The following ARMC7 variants were observed in gnomAD, a reference collection of about 807,000 sequenced individuals.
ARMC7 encodes armadillo repeat-containing protein 7.
ARMC7 carries 9 observed loss-of-function variants against 14.8 expected under a neutral mutation model. That is an observed-to-expected ratio of 0.61 (90% CI 0.37 to 1.06). The LOEUF is 1.06. ARMC7 is among the 50% of genes least tolerant of loss of function. The pLI, the probability that ARMC7 is intolerant of heterozygous loss-of-function variation, is 0.01. For synonymous variants in ARMC7, 125 were observed against 123.4 expected, an observed-to-expected ratio of 1.01 and a Z score of -0.09; for missense variants, 262 against 267.1, an observed-to-expected ratio of 0.98 and a Z score of 0.13.
chr17:75,125,435 T>G (rs1369475951), intron 2 of ARMC7, among the ~76,000 whole-genome samples: 2 of 152,024 alleles, frequency 1.3e-5, no homozygotes, highest in East Asian at 3.9e-4. Context: ...TGGACTGAGG[T>G]TGGAGACTGC....
intron 2 of ARMC7, chr17:75,114,121 T>G (rs2073954303): frequency 2.5e-6 from 1 of 401,282 alleles, no homozygotes; most frequent in African/African-American, 2.0e-5. Context: ...AAAGTTGGTC[T>G]CTAAAACGTC....
intron 2 of ARMC7, among the ~76,000 whole-genome samples, chr17:75,112,445 C>G (rs930651284): frequency 6.6e-6 from 1 of 152,140 alleles, no homozygotes; most frequent in Non-Finnish European, 1.5e-5. Context: ...CGCGTAGTCA[C>G]CTGGCTGAAG....
chr17:75,125,579 C>T (rs1054884145), intron 2 of ARMC7, among the ~76,000 whole-genome samples: 10 of 151,916 alleles, frequency 6.6e-5, no homozygotes, highest in South Asian at 2.1e-4. Context: ...GGCTCACACC[C>T]GTAATCCTAG....
chr17:75,119,179 G>T (rs2073994152), intron 2 of ARMC7, among the ~76,000 whole-genome samples: 1 of 152,192 alleles, frequency 6.6e-6, no homozygotes, highest in African/African-American at 2.4e-5. Flanking sequence ...TGGTACACTG[G>T]ACTATTCACA....
At chr17:75,116,080 G>A (rs561676188) in intron 2 of ARMC7, among the ~76,000 whole-genome samples, 2 of 152,202 alleles carry the variant, frequency 1.3e-5, no homozygotes, top group Non-Finnish European at 2.9e-5. Flanking sequence ...CGGAATGACA[G>A]GAACACCGAT....
chr17:75,122,558 TC>T (rs1235943604), intron 2 of ARMC7, among the ~76,000 whole-genome samples: 8 of 151,794 alleles, frequency 5.3e-5, no homozygotes, highest in African/African-American at 1.9e-4. Context: ...AGATGGGGTT[TC>T]ACCATGTTGG....
intron 2 of ARMC7, among the ~76,000 whole-genome samples, chr17:75,126,587 G>GC (rs1555648707): frequency 7.0e-6 from 1 of 143,648 alleles, no homozygotes; most frequent in Non-Finnish European, 1.5e-5. Flanking sequence ...TTTTGTTTTT[G>GC]TTTTTTTTTT....
intron 2 of ARMC7, among the ~76,000 whole-genome samples, chr17:75,127,524 C>T (rs60264833): frequency 0.057 from 8,754 of 152,256 alleles, 839 homozygotes; most frequent in African/African-American, 0.2. Context: ...GTCTGGAACT[C>T]CTGACCTCAG....
At chr17:75,113,776 C>T (rs574674694) in intron 2 of ARMC7, among the ~76,000 whole-genome samples, 17 of 152,244 alleles carry the variant, frequency 1.1e-4, no homozygotes, top group Non-Finnish European at 2.4e-4. Context: ...GAGGGGGCTC[C>T]AGCACATGTG....
chr17:75,119,153 CACTGGTACACTGG>C (rs1297518251), intron 2 of ARMC7, among the ~76,000 whole-genome samples: 1 of 152,140 alleles, frequency 6.6e-6, no homozygotes, highest in African/African-American at 2.4e-5. Context: ...TACACTGGTA[CACTGGTACACTGG>C]ACTGGTACAC....
chr17:75,109,989 G>A lies in ARMC7; in HGVS notation c.-300G>A. 2.9e-6 allele frequency: 1 copy of A among 342,400 alleles called. No homozygotes were observed. The highest frequency in any genetic ancestry group is 5.4e-6 in the Non-Finnish European group (1 of 185,172). 21.2% of individuals were successfully genotyped at this position (342,400 alleles called of 1,614,324 possible). On this transcript the variant is annotated 5_prime_UTR_variant, in exon 1 of 3. Coordinates refer to ENST00000245543, the MANE Select transcript of ARMC7 (RefSeq NM_024585.4). The surrounding 1 kb of genome is among the most constrained non-coding windows in gnomAD (Gnocchi z 5.0). ...AGCCCGGAACCGAGCCCAGGAGCCGGGGACGGTGCGCCAGTGCCCCCTCCG... is the reference window on the plus strand; with the variant it reads ...AGCCCGGAACCGAGCCCAGGAGCCGAGGACGGTGCGCCAGTGCCCCCTCCG...
Position 75,114,905 on chromosome 17 carries a change from C to A in ARMC7, c.235+4299C>A, listed in dbSNP as rs1177263238. 6 of 387,260 alleles carry A rather than the reference C, an allele frequency of 1.5e-5. No homozygotes were observed. In the East Asian group the frequency reaches 2.2e-4, roughly 14 times the overall value. 24.0% of individuals were successfully genotyped at this position (387,260 alleles called of 1,614,324 possible). On this transcript the variant is annotated intron_variant, in intron 2 of 2. Transcript: ENST00000245543. ...TTTCTTACTGCCGTCGTTTCCCTTT[C>A]TCTTAGTGTCTCTGCTTGGGGATCC...
At chr17:75,125,260 C>G (rs576820389) in intron 2 of ARMC7, among the ~76,000 whole-genome samples, 94 of 152,296 alleles carry the variant, frequency 6.2e-4, no homozygotes, top group South Asian at 3.3e-3. Flanking sequence ...CTTTCCCCCC[C>G]GGGTCAGTGC....
At chr17:75,114,735 C>G (rs1277181070) in intron 2 of ARMC7, 2 of 398,244 alleles carry the variant, frequency 5.0e-6, no homozygotes, top group Non-Finnish European at 8.8e-6. Flanking sequence ...ACAGCAAGAC[C>G]CCCCCGCCCC....
In ARMC7 at chr17:75,110,563, T is replaced by A. The variant is rs2145111059; in HGVS notation, c.192T>A (p.Asp64Glu). 6.2e-7 allele frequency: 1 copy of A among 1,614,240 alleles called. No individual in the cohort carries two copies. The change falls in exon 2 of 3, where the codon GAT (aspartate) becomes GAA (glutamate). Residue 64 changes from aspartate to glutamate, a missense_variant. Physicochemically the swap from Asp to Glu is conservative, Grantham distance 45. Coordinates refer to ENST00000245543, the MANE Select transcript of ARMC7 (RefSeq NM_024585.4). ...RQLQVLDLFL[D>E]SLSEENETLV... ...TGCAGGTCCTGGATTTATTTCTCGA[T>A]TCGCTGTCGGAGGAGAATGAGACCC... is the stretch of plus-strand genomic sequence containing the variant.
rs1170428820 is a variant in ARMC7 at position 75,129,454 on chromosome 17, T to C, written c.*416T>C. 1 of 183,240 alleles carries C rather than the reference T, an allele frequency of 5.5e-6. No individual in the cohort carries two copies. 11.4% of individuals were successfully genotyped at this position (183,240 alleles called of 1,614,324 possible). ...CTTAACAGAAGTGTCTGGAGTAGTTTTCAGGTATAGGAATGAGATGCCTCG... is the reference window on the plus strand; with the variant it reads ...CTTAACAGAAGTGTCTGGAGTAGTTCTCAGGTATAGGAATGAGATGCCTCG... On this transcript the variant is annotated 3_prime_UTR_variant, in exon 3 of 3. Transcript: ENST00000245543.
intron 2 of ARMC7, among the ~76,000 whole-genome samples, chr17:75,120,277 G>C (rs1332992894): frequency 6.6e-6 from 1 of 152,092 alleles, no homozygotes; most frequent in Non-Finnish European, 1.5e-5. Flanking sequence ...CCCTGCACCA[G>C]TGCCCAACAT....
intron 2 of ARMC7, among the ~76,000 whole-genome samples, chr17:75,128,298 C>G (rs1434284850): frequency 6.6e-6 from 1 of 152,102 alleles, no homozygotes; most frequent in African/African-American, 2.4e-5. Context: ...GTCTCGGACT[C>G]GTGACCTCAG....
At position 75,113,365 on chromosome 17, in the gene ARMC7, T is replaced by TTTATTTATTTA. The variant is rs1568014541; in HGVS notation, c.235+2761_235+2762insATTTATTTATT. On this transcript the variant is annotated intron_variant, in intron 2 of 2. Transcript: ENST00000245543. ...AAAAATACTTTTTATTTATTTATTT[T>TTTATTTATTTA]TTTTTTTGAGATGGAGTCTTGCTCT... Among the ~76,000 whole-genome samples the TTTATTTATTTA allele has an allele frequency of 3.9e-4, 59 of 149,406 alleles. 1 individual carries two copies. The highest frequency in any genetic ancestry group is 1.2e-3 in the African/African-American group (50 of 40,534).
Sources: gnomAD v4.1 joint callset for allele counts (sites outside exome capture counted in the v4.1 genomes callset) on GRCh38, gnomAD v4.1.1 for gene constraint, Gnocchi (gnomAD v3.1) non-coding constraint, MANE v1.5 for transcripts, NCBI Gene and HGNC (gene_info 2026-07-23, HGNC 2026-07-21) for gene names.